COMMD9: variants seen among roughly 807,000 people sequenced by gnomAD.
The protein encoded by COMMD9 is COMM domain-containing protein 9.
In COMMD9, 22 loss-of-function variants were observed where a neutral mutation model predicts 23.4. That is an observed-to-expected ratio of 0.94 (90% CI 0.67 to 1.34). The LOEUF is 1.34. Ranked by LOEUF, COMMD9 falls within the 40% of genes most tolerant of loss-of-function variation. The pLI is 0.00. For synonymous variants in COMMD9, 99 were observed against 97.4 expected (o/e 1.02, Z -0.10); for missense variants, 231 against 240.2 (o/e 0.96, Z 0.25).
At chr11:36,279,301 T>C (rs1856027767) in intron 2 of COMMD9, among the ~76,000 whole-genome samples, 1 of 152,240 alleles carries the variant, frequency 6.6e-6, no homozygotes, top group Admixed American at 6.5e-5. Flanking sequence ...AAATGCTGTG[T>C]TCCCATCCTA....
chr11:36,282,880 C>A (rs1856089968), intron 1 of COMMD9, among the ~76,000 whole-genome samples: 1 of 152,186 alleles, frequency 6.6e-6, no homozygotes, highest in Non-Finnish European at 1.5e-5. Context: ...CACCTCAGAA[C>A]CAGGGAAGCT....
In COMMD9 at chr11:36,280,919, C is replaced by G. The variant is rs1185265723; in HGVS notation, c.52-82G>C. 37 of 1,349,102 alleles carry G rather than the reference C, an allele frequency of 2.7e-5. No homozygotes were observed. The Admixed American group carries it at 2.8e-4, about 10-fold the overall frequency. The allele number at this position is 1,349,102 out of a possible 1,614,324, so 83.6% of individuals were successfully genotyped here. The stretch of plus-strand genomic sequence containing the variant: ...TTTGAGTAATAATGTCTTTGTCATA[C>G]ATGATACCTTTGAGACTTAAATTTT... On this transcript the variant is annotated intron_variant, in intron 1 of 5. Coordinates refer to ENST00000263401, the MANE Select transcript of COMMD9 (RefSeq NM_014186.4).
chr11:36,288,971 G>A (rs1049179008), intron 1 of COMMD9, among the ~76,000 whole-genome samples: 1 of 152,096 alleles, frequency 6.6e-6, no homozygotes, highest in Admixed American at 6.5e-5. Context: ...GTCATTCGGA[G>A]GGCTGGGCAG....
chr11:36,274,013 G>A lies in COMMD9; in HGVS notation c.*619C>T. 1 of 229,362 alleles carries A rather than the reference G, an allele frequency of 4.4e-6. No individual in the cohort carries two copies. The highest frequency in any genetic ancestry group is 6.0e-5 in the South Asian group (1 of 16,622). The allele number at this position is 229,362 out of a possible 1,614,324, so 14.2% of individuals were successfully genotyped here. On this transcript the variant is annotated 3_prime_UTR_variant, in exon 6 of 6. Coordinates refer to ENST00000263401, the MANE Select transcript of COMMD9 (RefSeq NM_014186.4). ...ATTATTCCCACTTCTTCACCTAGGA[G>A]TGGCTGCATTAGATGAAGGAAGAGG...
intron 1 of COMMD9, among the ~76,000 whole-genome samples, chr11:36,287,116 ATAC>A (rs1165223240): frequency 1.1e-5 from 1 of 88,226 alleles, no homozygotes; most frequent in Non-Finnish European, 2.5e-5. Context: ...CGTAGTATGT[ATAC>A]TACATACTAT....
chr11:36,278,725 GTCAT>G, intron 2 of COMMD9, 109 bp from the exon 3 acceptor site: 1 of 1,065,906 alleles, frequency 9.4e-7, no homozygotes, highest in Non-Finnish European at 1.3e-6. Context: ...CACTGCTATG[GTCAT>G]TCAACTGAGT....
chr11:36,272,776 T>C lies in COMMD9; in HGVS notation c.*1856A>G, dbSNP rs1303911004. On this transcript the variant is annotated 3_prime_UTR_variant, in exon 6 of 6. Transcript: ENST00000263401. ...AGTTTCAACATTTTCCAAATGGCGC[T>C]AGTCACAGAATTATATGTTCCTTGC... 6.6e-6 allele frequency: 1 copy of C among 152,232 alleles called. No homozygotes were observed. The highest frequency in any genetic ancestry group is 1.5e-5 in the Non-Finnish European group (1 of 68,042). The allele number at this position is 152,232 out of a possible 1,614,324, so 9.4% of individuals were successfully genotyped here. A position where few individuals can be genotyped will look rare whatever the true frequency, so the allele number is the denominator to read the frequency against.
At chr11:36,279,269 GGCATGTCT>G (rs1235695829) in intron 2 of COMMD9, among the ~76,000 whole-genome samples, 1 of 152,190 alleles carries the variant, frequency 6.6e-6, no homozygotes, top group Non-Finnish European at 1.5e-5. Context: ...CCTGGGAAGA[GGCATGTCT>G]GCCCGTCCTG....
chr11:36,279,166 T>C (rs1016415150), intron 2 of COMMD9, among the ~76,000 whole-genome samples: 5 of 152,162 alleles, frequency 3.3e-5, no homozygotes, highest in African/African-American at 1.2e-4. Flanking sequence ...GGGTCTTGAA[T>C]CCAGGGTGGT....
At chr11:36,278,686 G>A (rs752516986) in intron 2 of COMMD9, 70 bp from the exon 3 acceptor site, 7 of 1,523,472 alleles carry the variant, frequency 4.6e-6, no homozygotes, top group Non-Finnish European at 6.3e-6. Flanking sequence ...GCAGGGCCAG[G>A]GGCAGGGCTC....
At chr11:36,285,541 C>T (rs897938686) in intron 1 of COMMD9, among the ~76,000 whole-genome samples, 5 of 151,988 alleles carry the variant, frequency 3.3e-5, no homozygotes, top group African/African-American at 1.2e-4. Context: ...GATACCAAAA[C>T]CGCACAAAAT....
chr11:36,273,665 T>A lies in COMMD9; in HGVS notation c.*967A>T, dbSNP rs529941598. On this transcript the variant is annotated 3_prime_UTR_variant, in exon 6 of 6. Transcript: ENST00000263401. ...CCCAGCTAATTTTTTGTATTTTTAG[T>A]AGAGATGGGGTTTCACCATGGTCTC... 26 of 152,382 alleles carry A rather than the reference T, an allele frequency of 1.7e-4. No homozygotes were observed. Among genetic ancestry groups the A allele is most frequent in the African/African-American group, 6.3e-4 (26 of 41,550 alleles). The allele number at this position is 152,382 out of a possible 1,614,324, so 9.4% of individuals were successfully genotyped here.
At chr11:36,286,802 A>G (rs1856166412) in intron 1 of COMMD9, among the ~76,000 whole-genome samples, 1 of 152,218 alleles carries the variant, frequency 6.6e-6, no homozygotes, top group African/African-American at 2.4e-5. Context: ...AAAAAAGTCA[A>G]TCTCAGAAGG....
chr11:36,277,246 G>T, intron 3 of COMMD9, 123 bp from the exon 4 acceptor site: 1 of 563,716 alleles, frequency 1.8e-6, no homozygotes. Flanking sequence ...TAACAGGAAA[G>T]GACCACAGAA....
chr11:36,287,043 T>C (rs1170161782), intron 1 of COMMD9, among the ~76,000 whole-genome samples: 1 of 151,476 alleles, frequency 6.6e-6, no homozygotes. Flanking sequence ...GTAAGTATGC[T>C]ATATATGTAT....
At chr11:36,276,398 G>C (rs1213254595) in intron 4 of COMMD9, 158 bp from the exon 5 acceptor site, 1 of 608,238 alleles carries the variant, frequency 1.6e-6, no homozygotes, top group Non-Finnish European at 3.0e-6. Flanking sequence ...GACCCACAGC[G>C]AGTCATGTGC....
chr11:36,272,986 C>T lies in COMMD9; in HGVS notation c.*1646G>A, dbSNP rs1411827830. On this transcript the variant is annotated 3_prime_UTR_variant, in exon 6 of 6. Transcript: ENST00000263401. ...GACAATAAATGCACCAAGCTTTCTA[C>T]TCTCATCCATTAATAATCAAAGCCT... is the stretch of plus-strand genomic sequence containing the variant. 4 of 152,172 alleles carry T rather than the reference C, an allele frequency of 2.6e-5. No homozygotes were observed. The East Asian group carries it at 7.7e-4, about 29-fold the overall frequency. The allele number at this position is 152,172 out of a possible 1,614,324, so 9.4% of individuals were successfully genotyped here.
At position 36,274,405 on chromosome 11, in the gene COMMD9, G is replaced by A; in HGVS notation, c.*227C>T. 2.9e-6 allele frequency: 2 copies of A among 699,974 alleles called. No homozygotes were observed. The highest frequency in any genetic ancestry group is 1.5e-5 in the South Asian group (1 of 67,266). The allele number at this position is 699,974 out of a possible 1,614,324, so 43.4% of individuals were successfully genotyped here. A position where few individuals can be genotyped will look rare whatever the true frequency, so the allele number is the denominator to read the frequency against. On this transcript the variant is annotated 3_prime_UTR_variant, in exon 6 of 6. Coordinates refer to ENST00000263401, the MANE Select transcript of COMMD9 (RefSeq NM_014186.4). ...CACTCAGGAGCTTTTCAAAGATGGG[G>A]GCTTCTGCTCTCCAGCTTCAGAAAG... is the stretch of plus-strand genomic sequence containing the variant.
In COMMD9 at chr11:36,274,506, A is replaced by G. The variant is rs1449673940; in HGVS notation, c.*126T>C. On this transcript the variant is annotated 3_prime_UTR_variant, in exon 6 of 6. Coordinates refer to ENST00000263401, the MANE Select transcript of COMMD9 (RefSeq NM_014186.4). ...CCAACTGTAACTTCTGGATGGCAGT[A>G]GCCCCCTGCTGTCCCCACCATCCTG... The G allele has an allele frequency of 1.7e-6, 2 of 1,181,002 alleles. No homozygotes were observed. Among genetic ancestry groups the G allele is most frequent in the Non-Finnish European group, 2.5e-6 (2 of 806,920 alleles). The allele number at this position is 1,181,002 out of a possible 1,614,324, so 73.2% of individuals were successfully genotyped here.
Sources: allele counts gnomAD v4.1 joint callset (sites outside exome capture counted in the v4.1 genomes callset), GRCh38; gene constraint gnomAD v4.1.1; transcripts MANE v1.5; gene names NCBI Gene and HGNC (gene_info 2026-07-23, HGNC 2026-07-21).